The following NDUFS3 variants were observed in gnomAD, a reference collection of about 807,000 sequenced individuals.
The protein encoded by NDUFS3 is NADH dehydrogenase [ubiquinone] iron-sulfur protein 3, mitochondrial.
In NDUFS3, 19 loss-of-function variants were observed where a neutral mutation model predicts 30.8. The observed-to-expected ratio is 0.62, with a 90% confidence interval of 0.43 to 0.91. The LOEUF is 0.91. Ranked by LOEUF, NDUFS3 falls within the 40% of genes least tolerant of loss-of-function variation. NDUFS3 has a pLI of 0.00. For synonymous variants in NDUFS3, 153 were observed against 135.8 expected, an observed-to-expected ratio of 1.13 and a Z score of -0.88; for missense variants, 331 against 342.0, an observed-to-expected ratio of 0.97 and a Z score of 0.25.
intron 6 of NDUFS3, 102 bp from the exon 7 acceptor site, chr11:47,584,212 G>C: frequency 6.7e-7 from 1 of 1,488,052 alleles, no homozygotes; most frequent in African/African-American, 1.4e-5. Context: ...TAACCGAGAG[G>C]AATGGGCTGG....
intron 1 of NDUFS3, 52 bp downstream of exon 1, chr11:47,579,210 G>C (rs1014721265): frequency 1.9e-6 from 3 of 1,613,966 alleles, no homozygotes; most frequent in Non-Finnish European, 1.7e-6. Flanking sequence ...GGCGTGCCCA[G>C]TGCAGAGAGC....
rs758393750 is a variant in NDUFS3 at position 47,580,968 on chromosome 11, G to A, written c.365G>A (p.Arg122Gln). 18 of 1,614,010 alleles carry A rather than the reference G, an allele frequency of 1.1e-5. No individual in the cohort carries two copies. The highest frequency in any genetic ancestry group is 1.1e-4 in the East Asian group (5 of 44,902). Residue 122 changes from arginine to glutamine, a missense_variant, in exon 4 of 7, where the codon CGG becomes CAG. Coordinates refer to ENST00000263774, the MANE Select transcript of NDUFS3 (RefSeq NM_004551.3). The part of the protein sequence containing the change: ...VDLTAVDVPT[R>Q]QNRFEIVYNL... ...TTGACAGCAGTGGACGTCCCAACTC[G>A]GCAAAACCGTTTTGAGGTCAGTTGG...
intron 6 of NDUFS3, among the ~76,000 whole-genome samples, chr11:47,583,039 C>T (rs1486032117): frequency 6.6e-6 from 1 of 151,822 alleles, no homozygotes; most frequent in Non-Finnish European, 1.5e-5. Flanking sequence ...ATTGTAAAGG[C>T]TCAATTGATG....
chr11:47,580,718 A>C, intron 3 of NDUFS3, 96 bp downstream of exon 3: 1 of 1,584,868 alleles, frequency 6.3e-7, no homozygotes, highest in Non-Finnish European at 8.7e-7. Flanking sequence ...GAAACTACAG[A>C]TTCCTCCATC....
At chr11:47,584,237 G>A in intron 6 of NDUFS3, 77 bp from the exon 7 acceptor site, 1 of 1,598,434 alleles carries the variant, frequency 6.3e-7, no homozygotes, top group Non-Finnish European at 8.6e-7. Flanking sequence ...GTCACCAATA[G>A]CCTTGTGAAA....
chr11:47,584,252 G>C, intron 6 of NDUFS3, 62 bp from the exon 7 acceptor site: 5 of 1,608,896 alleles, frequency 3.1e-6, no homozygotes, highest in Non-Finnish European at 3.4e-6. Flanking sequence ...GTGAAAAGTA[G>C]GCTCCTGTGT....
chr11:47,579,211 T>C, intron 1 of NDUFS3, 53 bp downstream of exon 1: 1 of 1,613,932 alleles, frequency 6.2e-7, no homozygotes, highest in Non-Finnish European at 8.5e-7. Flanking sequence ...GCGTGCCCAG[T>C]GCAGAGAGCT....
intron 2 of NDUFS3, 46 bp downstream of exon 2, chr11:47,579,380 C>T: frequency 6.2e-7 from 1 of 1,608,212 alleles, no homozygotes; most frequent in Non-Finnish European, 8.5e-7. Context: ...TCGGCGGGGC[C>T]CCTTAGATGC....
At chr11:47,584,222 G>A in intron 6 of NDUFS3, 92 bp from the exon 7 acceptor site, 1 of 1,545,764 alleles carries the variant, frequency 6.5e-7, no homozygotes, top group Admixed American at 1.7e-5. Context: ...GAATGGGCTG[G>A]GGAAGTCACC....
At chr11:47,581,147 AT>A in intron 4 of NDUFS3, 163 bp downstream of exon 4, 1 of 822,378 alleles carries the variant, frequency 1.2e-6, no homozygotes, top group Non-Finnish European at 1.9e-6. Flanking sequence ...GATAACTCAA[AT>A]ATTTTGTTTA....
At chr11:47,580,704 C>T in intron 3 of NDUFS3, 82 bp downstream of exon 3, 1 of 1,585,138 alleles carries the variant, frequency 6.3e-7, no homozygotes, top group South Asian at 1.1e-5. Context: ...AGACTTGTTT[C>T]AAAGAAACTA....
At chr11:47,581,020 G>A (rs761170637) in intron 4 of NDUFS3, 36 bp downstream of exon 4, 15 of 1,613,590 alleles carry the variant, frequency 9.3e-6, no homozygotes, top group Middle Eastern at 1.7e-4. Flanking sequence ...TTGGGGGTAA[G>A]GATATTAATT....
Position 47,582,552 on chromosome 11 carries a change from G to A in NDUFS3, c.627+84G>A, listed in dbSNP as rs138018020. 5.0e-3 allele frequency: 8,074 copies of A among 1,600,842 alleles called. 47 individuals carry two copies. The highest frequency in any genetic ancestry group is 0.014 in the Middle Eastern group (71 of 4,942). On this transcript the variant is annotated intron_variant, in intron 6 of 6. Transcript: ENST00000263774. The stretch of plus-strand genomic sequence containing the variant: ...GATCCCTGGGAATGGCAAGAAATAC[G>A]GTCTGTGGATTGTGGTGGTTTAAGA...
intron 6 of NDUFS3, 136 bp from the exon 7 acceptor site, chr11:47,584,174 TACTG>T: frequency 8.0e-6 from 9 of 1,125,804 alleles, no homozygotes; most frequent in Non-Finnish European, 1.2e-5. Context: ...GATGGAGACT[TACTG>T]ACAGAGGCTG....
At chr11:47,582,989 C>T (rs2097269475) in intron 6 of NDUFS3, among the ~76,000 whole-genome samples, 1 of 151,908 alleles carries the variant, frequency 6.6e-6, no homozygotes, top group Non-Finnish European at 1.5e-5. Flanking sequence ...AGAGTGAGAC[C>T]CTGTCTCTAA....
chr11:47,579,746 G>A, intron 2 of NDUFS3: 1 of 299,760 alleles, frequency 3.3e-6, no homozygotes, highest in Admixed American at 4.5e-5. Flanking sequence ...TCTTACTATA[G>A]ATCAGGAAAC....
At chr11:47,581,157 T>G (rs2097268629) in intron 4 of NDUFS3, 173 bp downstream of exon 4, 2 of 782,424 alleles carry the variant, frequency 2.6e-6, no homozygotes, top group Admixed American at 2.5e-5. Flanking sequence ...ATATTTTGTT[T>G]AATTTTTTTT....
At chr11:47,579,423 C>A (rs749395758) in intron 2 of NDUFS3, 89 bp downstream of exon 2, 1 of 1,521,746 alleles carries the variant, frequency 6.6e-7, no homozygotes, top group Non-Finnish European at 9.0e-7. Context: ...TTCCCTACGT[C>A]CTCCTGGCAA....
chr11:47,579,379 C>A, intron 2 of NDUFS3, 45 bp downstream of exon 2: 2 of 1,608,672 alleles, frequency 1.2e-6, no homozygotes, highest in South Asian at 1.1e-5. Flanking sequence ...ATCGGCGGGG[C>A]CCCTTAGATG....
Sources: gnomAD v4.1 joint callset for allele counts (sites outside exome capture counted in the v4.1 genomes callset) on GRCh38, gnomAD v4.1.1 for gene constraint, MANE v1.5 for transcripts, NCBI Gene and HGNC (gene_info 2026-07-23, HGNC 2026-07-21) for gene names.